The following FBLN7 variants were observed in gnomAD, a reference collection of about 807,000 sequenced individuals.
FBLN7 encodes fibulin-7.
Under a neutral mutation model 44.0 loss-of-function variants are expected in FBLN7, and 31 were observed. That is an observed-to-expected ratio of 0.70 (90% CI 0.53 to 0.95). FBLN7 has a LOEUF of 0.95. Among genes scored for constraint, FBLN7 ranks in the 40% least tolerant of loss-of-function variants. The pLI is 0.00. For synonymous variants in FBLN7, 262 were observed against 253.4 expected, an observed-to-expected ratio of 1.03 and a Z score of -0.32; for missense variants, 573 against 618.5, an observed-to-expected ratio of 0.93 and a Z score of 0.78.
At position 112,187,305 on chromosome 2, in the gene FBLN7, T is replaced by C. The variant is rs1298993204; in HGVS notation, c.1119T>C (p.Phe373=). 1 of 1,614,034 alleles carries C rather than the reference T, an allele frequency of 6.2e-7. No homozygotes were observed. Among genetic ancestry groups the C allele is most frequent in the African/African-American group, 1.3e-5 (1 of 74,934 alleles). ...PGRAGPNSLR[F]GIVGGNSRGH... Reference sequence around the variant, plus strand: ...GAGCTGGGCCCAACAGCCTGCGGTTTGGGATCGTGGGTGGGAACAGCCGCG... The same window carrying C: ...GAGCTGGGCCCAACAGCCTGCGGTTCGGGATCGTGGGTGGGAACAGCCGCG... Residue 373 remains phenylalanine (F), a synonymous_variant, in exon 8 of 8, where the codon TTT becomes TTC. Transcript: ENST00000331203. This position sits in a 1 kb window ranked among gnomAD's most constrained non-coding sequence, Gnocchi z 5.1.
At chr2:112,168,080 G>A (rs187815262) in intron 3 of FBLN7, among the ~76,000 whole-genome samples, 24 of 152,264 alleles carry the variant, frequency 1.6e-4, no homozygotes, top group Admixed American at 1.2e-3. Flanking sequence ...CCTGCCAGGC[G>A]TCCAGCAAGC....
At chr2:112,185,068 T>C in intron 6 of FBLN7, 133 bp from the exon 7 acceptor site, 2 of 1,259,770 alleles carry the variant, frequency 1.6e-6, no homozygotes, top group Non-Finnish European at 2.2e-6. Context: ...GAAGGCAGGC[T>C]TTCTGCTTTA....
chr2:112,234,505 A>G, the FBLN7 span, among the ~76,000 whole-genome samples: 1 of 152,286 alleles, frequency 6.6e-6, no homozygotes, highest in South Asian at 2.1e-4. Context: ...TGAATGAAAA[A>G]AATTTTTTAA....
chr2:112,151,020 T>C (rs1681132711), intron 1 of FBLN7, among the ~76,000 whole-genome samples: 1 of 151,946 alleles, frequency 6.6e-6, no homozygotes, highest in African/African-American at 2.4e-5. Flanking sequence ...TAAGTCGAAG[T>C]GGAAAGACAA....
rs368779432 is a variant in FBLN7, at chr2:112,185,312, A to G, written c.920A>G (p.Asn307Ser). The G allele has an allele frequency of 2.6e-5, 42 of 1,613,750 alleles. No homozygotes were observed. Among genetic ancestry groups the G allele is most frequent in the Non-Finnish European group, 3.4e-5 (40 of 1,179,802 alleles). The change falls in exon 7 of 8, where the codon AAT becomes AGT. Residue 307 changes from asparagine to serine, a missense_variant. Asn to Ser is a conservative substitution (Grantham distance 46). Transcript: ENST00000331203. ...CCTGAGTGCCCCGAGGGCAGCGGCA[A>G]TGTGAGCTACGTGAAGACGTCTCCA... ...VSPECPEGSG[N>S]VSYVKTSPFQ...
chr2:112,153,788 G>A (rs1451569780), intron 1 of FBLN7, among the ~76,000 whole-genome samples: 1 of 152,192 alleles, frequency 6.6e-6, no homozygotes, highest in Non-Finnish European at 1.5e-5. Flanking sequence ...TCAGAGGAAG[G>A]GAGCCTGGTG....
At chr2:112,200,968 T>C in the FBLN7 span, among the ~76,000 whole-genome samples, 1 of 152,182 alleles carries the variant, frequency 6.6e-6, no homozygotes, top group Non-Finnish European at 1.5e-5. Flanking sequence ...GCAAGTGCCT[T>C]TTATGTGCTT....
chr2:112,209,606 G>A, the FBLN7 span, among the ~76,000 whole-genome samples: 1 of 152,218 alleles, frequency 6.6e-6, no homozygotes, highest in Non-Finnish European at 1.5e-5. Context: ...CATTGAGAAT[G>A]TCAACATGAG....
intron 1 of FBLN7, among the ~76,000 whole-genome samples, chr2:112,146,568 C>CTT (rs758294715): frequency 5.0e-5 from 6 of 120,244 alleles, no homozygotes; most frequent in African/African-American, 1.5e-4. Flanking sequence ...ATTTTTGAAG[C>CTT]TTTTTTTTTT....
chr2:112,183,056 G>A, intron 6 of FBLN7, 128 bp downstream of exon 6: 2 of 1,269,246 alleles, frequency 1.6e-6, no homozygotes, highest in African/African-American at 1.6e-5. Flanking sequence ...TTTTTAAAAA[G>A]CCACCAACCA....
At chr2:112,195,090 C>G in the FBLN7 span, among the ~76,000 whole-genome samples, 3 of 152,136 alleles carry the variant, frequency 2.0e-5, no homozygotes, top group East Asian at 1.9e-4. Flanking sequence ...CTTAGGCCAC[C>G]CTTTGTCACA....
downstream of FBLN7, chr2:112,190,509 A>G (rs1481596540): frequency 6.6e-6 from 1 of 152,176 alleles, no homozygotes; most frequent in East Asian, 1.9e-4. Flanking sequence ...TCTTTCCAAC[A>G]TGCCCTGTGA....
At chr2:112,219,129 A>G in the FBLN7 span, among the ~76,000 whole-genome samples, 1 of 152,226 alleles carries the variant, frequency 6.6e-6, no homozygotes, top group Non-Finnish European at 1.5e-5. Context: ...ATCTGAAGGA[A>G]CAAATAGCCA....
chr2:112,150,523 A>G (rs1681106982), intron 1 of FBLN7, among the ~76,000 whole-genome samples: 1 of 152,142 alleles, frequency 6.6e-6, no homozygotes, highest in Non-Finnish European at 1.5e-5. Context: ...AAAAGAATCT[A>G]ACTAGTAAGA....
intron 3 of FBLN7, among the ~76,000 whole-genome samples, chr2:112,171,237 T>C (rs948684127): frequency 8.6e-5 from 13 of 152,028 alleles, no homozygotes; most frequent in Non-Finnish European, 1.2e-4. Context: ...CTGAAATCCA[T>C]AGGCAGTGGA....
chr2:112,151,410 C>A (rs957513103), intron 1 of FBLN7: 20 of 152,162 alleles, frequency 1.3e-4, no homozygotes, highest in African/African-American at 4.8e-4. Flanking sequence ...TCCTGTACCA[C>A]GGCAGTCCTG....
At chr2:112,219,778 T>A in the FBLN7 span, among the ~76,000 whole-genome samples, 2 of 152,174 alleles carry the variant, frequency 1.3e-5, no homozygotes, top group Non-Finnish European at 2.9e-5. Context: ...AGATGTCTAC[T>A]AGGTCCATTT....
At position 112,187,414 on chromosome 2, in the gene FBLN7, G is replaced by C; in HGVS notation, c.1228G>C (p.Val410Leu). 2 of 1,614,198 alleles carry C rather than the reference G, an allele frequency of 1.2e-6. No individual in the cohort carries two copies. The highest frequency in any genetic ancestry group is 8.5e-7 in the Non-Finnish European group (1 of 1,180,046). ...CCTGGAGGGGCCTCAGACGCTGGAG[G>C]TGGACGTCGACATGTCGGAATACCT... ...QNLEGPQTLE[V>L]DVDMSEYLDR... is the part of the protein sequence containing the mutation. Residue 410 changes from valine to leucine, a missense_variant, in exon 8 of 8, where the codon GTG (valine) becomes CTG (leucine). Val to Leu is a conservative substitution (Grantham distance 32, BLOSUM62 1). Transcript: ENST00000331203. This position sits in a 1 kb window ranked among gnomAD's most constrained non-coding sequence, Gnocchi z 5.1.
At chr2:112,185,384 T>G (rs764508447) in intron 7 of FBLN7, 45 bp downstream of exon 7, 9 of 1,594,146 alleles carry the variant, frequency 5.6e-6, no homozygotes, top group Non-Finnish European at 7.7e-6. Context: ...GGCCTCCAAG[T>G]GTGGCTGGGC....
Sources: allele counts gnomAD v4.1 joint callset (sites outside exome capture counted in the v4.1 genomes callset), GRCh38; gene constraint gnomAD v4.1.1; non-coding constraint Gnocchi (gnomAD v3.1); transcripts MANE v1.5; gene names NCBI Gene and HGNC (gene_info 2026-07-23, HGNC 2026-07-21).